NKAIN3: variants seen among roughly 807,000 people sequenced by gnomAD.
NKAIN3 encodes sodium/potassium-transporting ATPase subunit beta-1-interacting protein 3.
A neutral mutation model predicts 30.2 loss-of-function variants in NKAIN3; 25 were observed. That is an observed-to-expected ratio of 0.83 (90% CI 0.60 to 1.16). The LOEUF (loss-of-function observed/expected upper bound fraction) is 1.16. NKAIN3 is among the 50% of genes most tolerant of loss of function. NKAIN3 has a pLI of 0.00. For missense variants in NKAIN3, 225 were observed against 254.1 expected (o/e 0.89, Z 0.78); for synonymous variants, 91 against 89.6 (o/e 1.02, Z -0.09).
At chr8:62,417,303 T>C (rs1405705407) in intron 1 of NKAIN3, among the ~76,000 whole-genome samples, 1 of 152,168 alleles carries the variant, frequency 6.6e-6, no homozygotes, top group Admixed American at 6.5e-5. Flanking sequence ...TAACAGGATT[T>C]CATTCTTTTT....
intron 1 of NKAIN3, among the ~76,000 whole-genome samples, chr8:62,416,118 C>T (rs1024638474): frequency 1.4e-4 from 21 of 152,054 alleles, no homozygotes; most frequent in African/African-American, 5.1e-4. Context: ...CCCTCACTGC[C>T]GTGTCTAAGG....
chr8:62,910,624 A>G (rs1194020791), intron 4 of NKAIN3, among the ~76,000 whole-genome samples: 2 of 152,180 alleles, frequency 1.3e-5, no homozygotes, highest in African/African-American at 4.8e-5. Flanking sequence ...ATGAATATGT[A>G]TAACAAAATA....
chr8:62,327,417 CTA>C (rs569499846), intron 1 of NKAIN3, among the ~76,000 whole-genome samples: 613 of 152,080 alleles, frequency 4.0e-3, no homozygotes, highest in African/African-American at 0.014. Context: ...AGATTTTGCT[CTA>C]TGTTTTCTTC....
intron 4 of NKAIN3, among the ~76,000 whole-genome samples, chr8:62,845,313 A>ATATATATATATATATATATATATAT (rs1819655676): frequency 2.9e-5 from 4 of 138,564 alleles, no homozygotes; most frequent in Non-Finnish European, 6.2e-5. Context: ...ATATATATAT[A>ATATATATATATATATATATATATAT]GTACCTAATA....
chr8:62,418,277 A>G (rs1009873617), intron 1 of NKAIN3, among the ~76,000 whole-genome samples: 2 of 152,220 alleles, frequency 1.3e-5, no homozygotes, highest in Non-Finnish European at 1.5e-5. Flanking sequence ...AATGGTGACT[A>G]AGATATGTAA....
chr8:62,518,439 C>T (rs1369800227), intron 1 of NKAIN3, among the ~76,000 whole-genome samples: 1 of 152,138 alleles, frequency 6.6e-6, no homozygotes, highest in Non-Finnish European at 1.5e-5. Context: ...GTTAATCTCT[C>T]TGTGTATCCA....
At chr8:62,517,066 T>A (rs563257982) in intron 1 of NKAIN3, among the ~76,000 whole-genome samples, 1 of 152,168 alleles carries the variant, frequency 6.6e-6, no homozygotes, top group African/African-American at 2.4e-5. Flanking sequence ...ACTTTAAAGC[T>A]AAAGTTCTTT....
At chr8:62,328,292 A>G (rs1815210939) in intron 1 of NKAIN3, among the ~76,000 whole-genome samples, 1 of 152,180 alleles carries the variant, frequency 6.6e-6, no homozygotes, top group Non-Finnish European at 1.5e-5. Flanking sequence ...ATGAAAGGTA[A>G]TATAGTTCAA....
chr8:62,974,091 G>A lies in NKAIN3; in HGVS notation c.*8684G>A, dbSNP rs778971735. ...AGCCTTGTAGTATAGTTTGAAGTTA[G>A]GTAGCATGATGCCTCCAGCTTTGTT... On this transcript the variant is annotated 3_prime_UTR_variant, in exon 7 of 7. Transcript: ENST00000623646. Among the ~76,000 whole-genome samples, 9 of 152,166 alleles carry A rather than the reference G, an allele frequency of 5.9e-5. No individual in the cohort carries two copies. The highest frequency in any genetic ancestry group is 1.0e-4 in the Non-Finnish European group (7 of 68,032).
Position 62,438,188 on chromosome 8 carries a change from C to T in NKAIN3, c.55-141351C>T, listed in dbSNP as rs570541518. On this transcript the variant is annotated intron_variant, in intron 1 of 6. Transcript: ENST00000623646. ...TGCTTTGCTATCCCAGCTGCCCTCT[C>T]GTCCCTTCCTATCAGCCTCTTGTCT... 4.6e-5 allele frequency among the ~76,000 whole-genome samples: 7 copies of T among 152,326 alleles called. No individual in the cohort carries two copies. In the East Asian group the frequency reaches 9.7e-4, roughly 21 times the overall value.
intron 1 of NKAIN3, among the ~76,000 whole-genome samples, chr8:62,548,836 A>G (rs1809102256): frequency 8.4e-6 from 1 of 118,764 alleles, no homozygotes; most frequent in Non-Finnish European, 1.8e-5. Context: ...ATAAAATGAA[A>G]CATTGAAAAA....
chr8:62,934,762 T>C (rs1376364028), intron 5 of NKAIN3, among the ~76,000 whole-genome samples: 1 of 152,124 alleles, frequency 6.6e-6, no homozygotes, highest in Non-Finnish European at 1.5e-5. Flanking sequence ...GATATTATTT[T>C]CAAAGACTCT....
intron 3 of NKAIN3, among the ~76,000 whole-genome samples, chr8:62,724,117 A>G (rs962982477): frequency 3.9e-5 from 6 of 152,104 alleles, no homozygotes; most frequent in East Asian, 1.9e-4. Context: ...GAAGGAATGA[A>G]ATTAGGTTGT....
intron 4 of NKAIN3, among the ~76,000 whole-genome samples, chr8:62,888,605 A>G (rs1373386068): frequency 2.0e-5 from 3 of 152,174 alleles, no homozygotes; most frequent in Non-Finnish European, 4.4e-5. Context: ...TTGATTTTTC[A>G]GTTTTTCTAG....
At chr8:62,551,601 G>A (rs947534021) in intron 1 of NKAIN3, among the ~76,000 whole-genome samples, 2 of 152,186 alleles carry the variant, frequency 1.3e-5, no homozygotes, top group African/African-American at 4.8e-5. Context: ...GGTCAGAGAG[G>A]ACAAAACACT....
chr8:62,338,969 A>G (rs552318827), intron 1 of NKAIN3, among the ~76,000 whole-genome samples: 123 of 152,006 alleles, frequency 8.1e-4, no homozygotes, highest in African/African-American at 2.8e-3. Flanking sequence ...CTTCAATCCA[A>G]TCAAGTTCAT....
rs536146425 is a variant in NKAIN3 at position 62,422,080 on chromosome 8, C to A, written c.55-157459C>A. On this transcript the variant is annotated intron_variant, in intron 1 of 6. Transcript: ENST00000623646. Reference sequence around the variant, plus strand: ...AGTATGATAATATTCTCATTCAAGTCTCATGCAGAAAATAAACTAAAATAT... The same window carrying A: ...AGTATGATAATATTCTCATTCAAGTATCATGCAGAAAATAAACTAAAATAT... 3.3e-5 allele frequency among the ~76,000 whole-genome samples: 5 copies of A among 152,192 alleles called. No homozygotes were observed. In the South Asian group the frequency reaches 1.0e-3, roughly 32 times the overall value.
At chr8:62,560,108 T>G (rs1480963470) in intron 1 of NKAIN3, among the ~76,000 whole-genome samples, 1 of 152,170 alleles carries the variant, frequency 6.6e-6, no homozygotes, top group Non-Finnish European at 1.5e-5. Context: ...ATTCTGGCTT[T>G]TGTAATTTCT....
chr8:62,938,670 C>G (rs1468504693), intron 5 of NKAIN3, among the ~76,000 whole-genome samples: 1 of 152,176 alleles, frequency 6.6e-6, no homozygotes, highest in Non-Finnish European at 1.5e-5. Flanking sequence ...TAGTCAGGCT[C>G]TTAGGAAGCC....
Sources: gnomAD v4.1 joint callset for allele counts (sites outside exome capture counted in the v4.1 genomes callset) on GRCh38, gnomAD v4.1.1 for gene constraint, MANE v1.5 for transcripts, NCBI Gene and HGNC (gene_info 2026-07-23, HGNC 2026-07-21) for gene names.